IFT56: variants seen among roughly 807,000 people sequenced by gnomAD.
IFT56 encodes intraflagellar transport protein 56.
the IFT56 span, among the ~76,000 whole-genome samples, chr7:139,185,460 A>T: frequency 6.6e-6 from 1 of 152,106 alleles, no homozygotes; most frequent in African/African-American, 2.4e-5. Context: ...AAAATTTTTT[A>T]AATGAATCAA....
At chr7:139,157,581 A>G in the IFT56 span, among the ~76,000 whole-genome samples, 164 of 138,082 alleles carry the variant, frequency 1.2e-3, 1 homozygote, top group Middle Eastern at 9.3e-3. Flanking sequence ...ATGGCTTACT[A>G]TAACCTCTGC....
the IFT56 span, chr7:139,134,618 G>A: frequency 6.3e-7 from 1 of 1,575,454 alleles, no homozygotes; most frequent in Non-Finnish European, 8.6e-7. Flanking sequence ...CTGATAATCA[G>A]AATTGGACCA....
chr7:139,166,734 A>G, the IFT56 span: 1 of 605,664 alleles, frequency 1.7e-6, no homozygotes, highest in Non-Finnish European at 3.1e-6. Flanking sequence ...AACAGATCAT[A>G]TTTCCCATGA....
chr7:139,144,832 T>A, the IFT56 span, among the ~76,000 whole-genome samples: 4 of 152,126 alleles, frequency 2.6e-5, no homozygotes, highest in Non-Finnish European at 1.5e-5. Context: ...TCCTAATTTT[T>A]AATTTAATTT....
At chr7:139,141,173 A>C in the IFT56 span, among the ~76,000 whole-genome samples, 1 of 150,656 alleles carries the variant, frequency 6.6e-6, no homozygotes, top group Non-Finnish European at 1.5e-5. Flanking sequence ...AGGCAGGAGA[A>C]TGGTGTGAAC....
chr7:139,180,699 ACT>A, the IFT56 span, among the ~76,000 whole-genome samples: 1 of 150,088 alleles, frequency 6.7e-6, no homozygotes, highest in African/African-American at 2.5e-5. Context: ...ACAGAGCAAG[ACT>A]CTGTCTCAAA....
chr7:139,148,602 A>C, the IFT56 span, among the ~76,000 whole-genome samples: 9 of 152,202 alleles, frequency 5.9e-5, no homozygotes, highest in Non-Finnish European at 1.0e-4. Flanking sequence ...AGATGATTTT[A>C]CTGAGATGCC....
the IFT56 span, among the ~76,000 whole-genome samples, chr7:139,135,904 T>G: frequency 6.6e-6 from 1 of 150,562 alleles, no homozygotes; most frequent in Admixed American, 6.7e-5. Flanking sequence ...CTTCCACAAA[T>G]AGTTCACTTT....
chr7:139,159,224 C>G, the IFT56 span, among the ~76,000 whole-genome samples: 1 of 152,110 alleles, frequency 6.6e-6, no homozygotes, highest in African/African-American at 2.4e-5. Flanking sequence ...ACAAAACTAT[C>G]TAGGTTTGGA....
chr7:139,145,209 A>G, the IFT56 span, among the ~76,000 whole-genome samples: 1 of 152,008 alleles, frequency 6.6e-6, no homozygotes, highest in African/African-American at 2.4e-5. Context: ...GGTGGGCCCC[A>G]ATCTCTATTT....
chr7:139,177,630 G>A, the IFT56 span, among the ~76,000 whole-genome samples: 45 of 150,912 alleles, frequency 3.0e-4, no homozygotes, highest in South Asian at 6.3e-4. Context: ...GTGTGTGTGT[G>A]TATATATATC....
the IFT56 span, chr7:139,134,720 A>G: frequency 4.3e-6 from 7 of 1,614,148 alleles, no homozygotes; most frequent in Non-Finnish European, 4.2e-6. Flanking sequence ...GAAAGAAGAA[A>G]GGTAGGAAGA....
At chr7:139,153,227 C>T in the IFT56 span, among the ~76,000 whole-genome samples, 1 of 151,370 alleles carries the variant, frequency 6.6e-6, no homozygotes, top group Admixed American at 6.6e-5. Context: ...CCGAGGCAGG[C>T]GGATCACAAG....
chr7:139,173,677 A>G, the IFT56 span: 4 of 772,924 alleles, frequency 5.2e-6, no homozygotes, highest in Admixed American at 1.7e-5. Flanking sequence ...TCATATTGGC[A>G]TGTGGCATAG....
At chr7:139,165,013 C>T in the IFT56 span, 1 of 644,824 alleles carries the variant, frequency 1.6e-6, no homozygotes, top group Non-Finnish European at 2.5e-6. Context: ...TCAACTGATT[C>T]CCAGAGCTAT....
chr7:139,166,092 G>A, the IFT56 span, among the ~76,000 whole-genome samples: 2 of 152,052 alleles, frequency 1.3e-5, no homozygotes, highest in African/African-American at 4.8e-5. Context: ...CAAGTAGCTG[G>A]GATTACAGGC....
the IFT56 span, among the ~76,000 whole-genome samples, chr7:139,180,214 G>GC: frequency 2.0e-5 from 3 of 152,104 alleles, no homozygotes; most frequent in Admixed American, 6.6e-5. Context: ...GTGGGCGCCT[G>GC]TAGTCCCAGC....
the IFT56 span, chr7:139,181,141 G>A: frequency 1.4e-5 from 22 of 1,612,832 alleles, no homozygotes; most frequent in Non-Finnish European, 1.8e-5. Flanking sequence ...ATCTTAAGAT[G>A]GAAACCTCCG....
chr7:139,154,393 G>A, the IFT56 span, among the ~76,000 whole-genome samples: 2 of 149,956 alleles, frequency 1.3e-5, no homozygotes, highest in Non-Finnish European at 3.0e-5. Context: ...TACTTTTGGG[G>A]TTATATTTAA....
Sources: allele counts gnomAD v4.1 joint callset (sites outside exome capture counted in the v4.1 genomes callset), GRCh38; gene constraint gnomAD v4.1.1; transcripts MANE v1.5; gene names NCBI Gene and HGNC (gene_info 2026-07-23, HGNC 2026-07-21).